Variants in ANKFY1 observed in about 807,000 individuals in gnomAD.
ANKFY1 encodes ankyrin repeat and FYVE domain-containing protein 1.
ANKFY1 carries 47 observed loss-of-function variants against 128.3 expected under a neutral mutation model. The observed-to-expected ratio is 0.37, with a 90% CI of 0.29 to 0.47. The LOEUF (loss-of-function observed/expected upper bound fraction) is 0.47. Ranked by LOEUF, ANKFY1 falls within the 20% of genes least tolerant of loss-of-function variation. The pLI is 1.00. For synonymous variants in ANKFY1, 553 were observed against 601.6 expected (o/e 0.92, Z 1.18); for missense variants, 1,222 against 1,510.6 (o/e 0.81, Z 3.17).
At chr17:4,175,681 G>C (rs1006648741) in intron 19 of ANKFY1, among the ~76,000 whole-genome samples, 3 of 152,058 alleles carry the variant, frequency 2.0e-5, no homozygotes, top group Non-Finnish European at 4.4e-5. Context: ...ATCACTGATC[G>C]ATAAGACATA....
intron 3 of ANKFY1, among the ~76,000 whole-genome samples, chr17:4,224,293 G>A (rs1483964067): frequency 7.3e-6 from 1 of 137,278 alleles, no homozygotes; most frequent in African/African-American, 2.7e-5. Flanking sequence ...CGCGATCTCG[G>A]CTCACTGCAG....
chr17:4,183,843 G>C lies in ANKFY1; in HGVS notation c.1767C>G (p.Asp589Glu). 6.2e-7 allele frequency: 1 copy of C among 1,613,862 alleles called. No individual in the cohort carries two copies. Among genetic ancestry groups the C allele is most frequent in the Non-Finnish European group, 8.5e-7 (1 of 1,179,714 alleles). The change falls in exon 13 of 25, where the codon GAC becomes GAG. Residue 589 changes from aspartate (D) to glutamate (E), a missense_variant. Transcript: ENST00000341657. ...IPDFSLKDSRDQTVLGLALWT... is the reference protein window; with the variant it reads ...IPDFSLKDSREQTVLGLALWT... ...ATAATGCCAGGCCCAGCACAGTCTG[G>C]TCTCGGGAATCTTTGAGGCTGAAGT... is the stretch of plus-strand genomic sequence containing the variant.
chr17:4,216,838 T>C, intron 4 of ANKFY1, 145 bp downstream of exon 4: 1 of 1,119,250 alleles, frequency 8.9e-7, no homozygotes, highest in South Asian at 1.3e-5. Flanking sequence ...GCAAGGGAGG[T>C]AACATCTGTC....
At chr17:4,188,341 C>T (rs983637791) in intron 11 of ANKFY1, 1 of 152,312 alleles carries the variant, frequency 6.6e-6, no homozygotes, top group Non-Finnish European at 1.5e-5. Context: ...TTGTCTGGCT[C>T]AGATACCAAG....
intron 3 of ANKFY1, chr17:4,222,417 G>C: frequency 2.5e-6 from 2 of 797,220 alleles, no homozygotes; most frequent in South Asian, 2.7e-5. Context: ...ACTTCACCTG[G>C]CATTCGAAGT....
At chr17:4,245,371 A>G (rs1304412656) in intron 1 of ANKFY1, among the ~76,000 whole-genome samples, 2 of 152,062 alleles carry the variant, frequency 1.3e-5, no homozygotes, top group African/African-American at 4.8e-5. Flanking sequence ...ATGCCTGGCT[A>G]CATTTTAAAC....
intron 3 of ANKFY1, among the ~76,000 whole-genome samples, chr17:4,221,147 G>A (rs1316442702): frequency 6.6e-6 from 1 of 152,204 alleles, no homozygotes; most frequent in East Asian, 1.9e-4. Context: ...CATCTGAAAT[G>A]GATGGGAATA....
chr17:4,174,024 G>A lies in ANKFY1; in HGVS notation c.2808C>T (p.Thr936=). ...GATGGAGGGCAGTCTGGCGATGCTT[G>A]GTTAATTCGTTCACTTTGGCTCCCG... is the stretch of plus-strand genomic sequence containing the variant. ...LLAGAKVNEL[T]KHRQTALHLA... The change falls in exon 20 of 25, where the codon ACC becomes ACT. Residue 936 remains threonine, a synonymous_variant. Coordinates refer to ENST00000341657, the MANE Select transcript of ANKFY1 (RefSeq NM_001330063.2). 1 of 1,614,152 alleles carries A rather than the reference G, an allele frequency of 6.2e-7. No homozygotes were observed. Among genetic ancestry groups the A allele is most frequent in the Non-Finnish European group, 8.5e-7 (1 of 1,179,996 alleles).
intron 10 of ANKFY1, among the ~76,000 whole-genome samples, chr17:4,191,643 T>C (rs2059719991): frequency 7.7e-6 from 1 of 130,536 alleles, no homozygotes; most frequent in Non-Finnish European, 1.7e-5. Flanking sequence ...ATCTGGAGAC[T>C]CCTAGTTGAT....
intron 1 of ANKFY1, among the ~76,000 whole-genome samples, chr17:4,253,519 C>T (rs908860168): frequency 4.6e-5 from 7 of 152,172 alleles, no homozygotes; most frequent in Admixed American, 2.0e-4. Flanking sequence ...GCTGATCACA[C>T]CAACATTTCC....
Position 4,233,800 on chromosome 17 carries a change from G to A in ANKFY1, c.322+1972C>T, listed in dbSNP as rs543443797. Among the ~76,000 whole-genome samples the A allele has an allele frequency of 2.0e-4, 30 of 152,322 alleles. No homozygotes were observed. In the South Asian group the frequency reaches 2.3e-3, roughly 12 times the overall value. The stretch of plus-strand genomic sequence containing the variant: ...TTTCCTCCAGCAGAGTACGGGCTCC[G>A]TATGGCAGGGACTGTGTTATAATCA... On this transcript the variant is annotated intron_variant, in intron 3 of 24. Coordinates refer to ENST00000341657, the MANE Select transcript of ANKFY1 (RefSeq NM_001330063.2).
At chr17:4,216,584 G>A (rs1388260770) in intron 4 of ANKFY1, 1 of 290,298 alleles carries the variant, frequency 3.4e-6, no homozygotes, top group African/African-American at 2.2e-5. Context: ...ATTCATTTAG[G>A]CACTCATTGT....
Position 4,239,465 on chromosome 17 carries a change from A to T in ANKFY1, c.203+2791T>A, listed in dbSNP as rs369706094. Among the ~76,000 whole-genome samples the T allele has an allele frequency of 2.0e-3, 297 of 152,302 alleles. No homozygotes were observed. In the Middle Eastern group the frequency reaches 0.02, roughly 10 times the overall value. ...TACTTCCTTTTTTATGTAATAGATT[A>T]TTCTTTTATTTAGAAAGGGCTAAGT... On this transcript the variant is annotated intron_variant, in intron 2 of 24. Transcript: ENST00000341657.
intron 3 of ANKFY1, among the ~76,000 whole-genome samples, chr17:4,227,826 G>C (rs928826084): frequency 1.6e-4 from 25 of 152,132 alleles, no homozygotes. Flanking sequence ...CCATTAGAAT[G>C]GCTAAAATTG....
At chr17:4,187,776 TC>T (rs2059638555) in intron 11 of ANKFY1, 1 of 152,598 alleles carries the variant, frequency 6.6e-6, no homozygotes, top group Admixed American at 6.5e-5. Flanking sequence ...CAAGCGATTC[TC>T]CTGCCTCAGC....
At chr17:4,248,622 G>A (rs1438319605) in intron 1 of ANKFY1, among the ~76,000 whole-genome samples, 1 of 152,126 alleles carries the variant, frequency 6.6e-6, no homozygotes, top group African/African-American at 2.4e-5. Context: ...TTTCAGCCGT[G>A]GTTTTTTCTT....
intron 1 of ANKFY1, among the ~76,000 whole-genome samples, chr17:4,253,348 T>C (rs1036102384): frequency 5.9e-5 from 9 of 152,238 alleles, no homozygotes; most frequent in East Asian, 3.8e-4. Flanking sequence ...TTTACGGTGA[T>C]AGAAATCTTC....
At chr17:4,182,423 C>T in intron 14 of ANKFY1, 74 bp from the exon 15 acceptor site, 1 of 1,187,516 alleles carries the variant, frequency 8.4e-7, no homozygotes, top group Non-Finnish European at 1.1e-6. Context: ...TCTGGGCATT[C>T]CAGAGTCCAG....
In ANKFY1 at chr17:4,209,805, C is replaced by A. The variant is rs988127572; in HGVS notation, c.582+19G>T. The A allele has an allele frequency of 6.3e-7, 1 of 1,595,006 alleles. No homozygotes were observed. Among genetic ancestry groups the A allele is most frequent in the Non-Finnish European group, 8.6e-7 (1 of 1,164,652 alleles). On this transcript the variant is annotated intron_variant, in intron 5 of 24. Coordinates refer to ENST00000341657, the MANE Select transcript of ANKFY1 (RefSeq NM_001330063.2). The stretch of plus-strand genomic sequence containing the variant: ...ACTGCCAGCTAGAGTGCTTTGTTGA[C>A]ACCCTCAACCTCACTCACCCAATGA...
Sources: allele counts gnomAD v4.1 joint callset (sites outside exome capture counted in the v4.1 genomes callset), GRCh38; gene constraint gnomAD v4.1.1; transcripts MANE v1.5; gene names NCBI Gene and HGNC (gene_info 2026-07-23, HGNC 2026-07-21).